NBPF9: variants seen among roughly 807,000 people sequenced by gnomAD.
NBPF9 encodes NBPF family member NBPF9.
NBPF9 carries 91 observed loss-of-function variants against 97.8 expected under a neutral mutation model. The ratio of observed to expected loss-of-function variants is 0.93; its 90% CI spans 0.79 to 1.11. The LOEUF is 1.11. Among genes scored for constraint, NBPF9 ranks in the 50% least tolerant of loss-of-function variants. The probability of loss-of-function intolerance (pLI) is 0.00; values close to 1 mark genes in which losing one functional copy is unlikely to be tolerated. For synonymous variants in NBPF9, 334 were observed against 359.5 expected (o/e 0.93, Z 0.80); for missense variants, 992 against 939.5 (o/e 1.06, Z -0.73).
At chr1:149,055,546 G>A (rs1553648546) in exon 30 of NBPF9, 3 of 1,569,056 alleles carry the variant, frequency 1.9e-6, no homozygotes, top group South Asian at 2.5e-5. Flanking sequence ...CATGCCCACT[G>A]ACCCATCCTA....
chr1:149,054,119 AC>A (rs1473575241), exon 30 of NBPF9: 6 of 149,834 alleles, frequency 4.0e-5, no homozygotes, highest in Non-Finnish European at 7.4e-5. Context: ...AATGTAAAAA[AC>A]AATCCAAAAG....
exon 12 of NBPF9, chr1:149,075,663 T>C: frequency 6.2e-7 from 1 of 1,609,444 alleles, no homozygotes; most frequent in Admixed American, 1.7e-5. Flanking sequence ...ACTGTATTTG[T>C]TCTGCTGGTT....
In NBPF9 at chr1:149,081,701, C is replaced by G. The variant is rs376599160; in HGVS notation, c.175+264G>C. 4.8e-4 allele frequency among the ~76,000 whole-genome samples: 68 copies of G among 140,748 alleles called. No homozygotes were observed. In the Middle Eastern group the frequency reaches 0.01, roughly 22 times the overall value. The allele number at this position is 140,748 out of a possible 152,430, so 92.3% of individuals were successfully genotyped here. A position where few individuals can be genotyped will look rare whatever the true frequency, so the allele number is the denominator to read the frequency against. ...ACATGATTGAGCCTCTTGGAGAAAA[C>G]AGGTCGTTCTGTGCCTGTGTTAGAA... On this transcript the variant is annotated intron_variant, in intron 7 of 29. Coordinates refer to ENST00000584027, the Ensembl canonical transcript of NBPF9.
chr1:149,060,916 C>A (rs1215914564), intron 23 of NBPF9: 2 of 406,918 alleles, frequency 4.9e-6, no homozygotes, highest in African/African-American at 3.2e-5. Context: ...CACACACACA[C>A]ACACACACAA....
chr1:149,063,385 C>T (rs1288803827), intron 20 of NBPF9, among the ~76,000 whole-genome samples: 1 of 136,064 alleles, frequency 7.3e-6, no homozygotes, highest in Non-Finnish European at 1.6e-5. Flanking sequence ...TGCCCAGGTC[C>T]AATGTCATGA....
Position 149,073,160 on chromosome 1 carries a change from C to A in NBPF9, c.1092-228G>T, listed in dbSNP as rs1269906081. Among the ~76,000 whole-genome samples, 4 of 148,858 alleles carry A rather than the reference C, an allele frequency of 2.7e-5. 1 individual carries two copies. Among genetic ancestry groups the A allele is most frequent in the African/African-American group, 4.9e-5 (2 of 40,670 alleles). Reference sequence around the variant, plus strand: ...AGATCCTCGATGATGTTCCATTCATCTTTCCCTTCTGTAAACAAAAGTAGG... The same window carrying A: ...AGATCCTCGATGATGTTCCATTCATATTTCCCTTCTGTAAACAAAAGTAGG... On this transcript the variant is annotated intron_variant, in intron 13 of 29. Transcript: ENST00000584027.
rs2078900602 is a variant in NBPF9, at chr1:149,064,555, A to T, written c.1802-73T>A. 4 of 989,152 alleles carry T rather than the reference A, an allele frequency of 4.0e-6. No homozygotes were observed. In the South Asian group the frequency reaches 5.2e-5, roughly 13 times the overall value. 61.3% of individuals were successfully genotyped at this position (989,152 alleles called of 1,614,324 possible). On this transcript the variant is annotated intron_variant, in intron 18 of 29. Coordinates refer to ENST00000584027, the Ensembl canonical transcript of NBPF9. ...TGCACACAGAAACATTCCTCTGTCC[A>T]ATCCTAACACAGGGACATCAGTCTT... is the stretch of plus-strand genomic sequence containing the variant.
rs1415821515 is a variant in NBPF9, at chr1:149,059,128, C to T, written c.2586-31G>A. 6.3e-5 allele frequency: 26 copies of T among 415,838 alleles called. 2 individuals are homozygous for T. Among genetic ancestry groups the T allele is most frequent in the Middle Eastern group, 7.3e-4 (1 of 1,364 alleles). The allele number at this position is 415,838 out of a possible 1,614,324, so 25.8% of individuals were successfully genotyped here. ...AAAGTAGGAAAAAGTAAAGAATAAG[C>T]CAGGGGGAATCAGAAACCACACAGC... On this transcript the variant is annotated intron_variant, in intron 25 of 29. Coordinates refer to ENST00000584027, the Ensembl canonical transcript of NBPF9.
intron 27 of NBPF9, among the ~76,000 whole-genome samples, chr1:149,057,876 G>C (rs2078328679): frequency 3.1e-5 from 2 of 64,450 alleles, no homozygotes; most frequent in Non-Finnish European, 6.1e-5. Context: ...ATCATGAAAA[G>C]ACTGTGCTCA....
intron 2 of NBPF9, among the ~76,000 whole-genome samples, chr1:149,101,749 C>A: frequency 6.6e-6 from 1 of 152,126 alleles, no homozygotes; most frequent in South Asian, 2.1e-4. Context: ...ACCAGAATAT[C>A]CCTGCTAAAT....
At position 149,060,955 on chromosome 1, in the gene NBPF9, G is replaced by A; in HGVS notation, c.2304-260C>T. On this transcript the variant is annotated intron_variant, in intron 23 of 29. Coordinates refer to ENST00000584027, the Ensembl canonical transcript of NBPF9. Reference sequence around the variant, plus strand: ...CACACACACAGAGAACGAGCTCAGTGAATTGTCCAGATGACACACTGATGA... The same window carrying A: ...CACACACACAGAGAACGAGCTCAGTAAATTGTCCAGATGACACACTGATGA... 9.6e-6 allele frequency: 4 copies of A among 416,126 alleles called. 1 individual carries two copies. Among genetic ancestry groups the A allele is most frequent in the South Asian group, 8.2e-5 (3 of 36,434 alleles). The allele number at this position is 416,126 out of a possible 1,614,324, so 25.8% of individuals were successfully genotyped here.
chr1:149,074,970 C>T (rs2079732325), intron 12 of NBPF9, among the ~76,000 whole-genome samples: 1 of 151,184 alleles, frequency 6.6e-6, no homozygotes, highest in Non-Finnish European at 1.5e-5. Context: ...TGCCACCACG[C>T]CCATCTACTT....
chr1:149,062,119 T>A, exon 22 of NBPF9: 1 of 1,169,254 alleles, frequency 8.6e-7, no homozygotes. Context: ...CAAGCCAAGG[T>A]ACTGTTCCTC....
At chr1:149,094,845 A>G (rs1167224652) in intron 4 of NBPF9, among the ~76,000 whole-genome samples, 1 of 144,270 alleles carries the variant, frequency 6.9e-6, no homozygotes, top group African/African-American at 2.7e-5. Context: ...GCTCACAGGG[A>G]AGAGAAGCTA....
Position 149,062,397 on chromosome 1 carries a change from T to C in NBPF9, c.2079-132A>G, listed in dbSNP as rs1314328090. On this transcript the variant is annotated intron_variant, in intron 21 of 29. Coordinates refer to ENST00000584027, the Ensembl canonical transcript of NBPF9. ...ACAGATCCATTAATGAGGTAATGAA[T>C]TATTGCCTTTAGGTTGGGATAGACC... 5.9e-6 allele frequency: 4 copies of C among 672,826 alleles called. 1 individual carries two copies. Among genetic ancestry groups the C allele is most frequent in the Non-Finnish European group, 8.2e-6 (3 of 365,662 alleles). The allele number at this position is 672,826 out of a possible 1,614,324, so 41.7% of individuals were successfully genotyped here. A position where few individuals can be genotyped will look rare whatever the true frequency, so the allele number is the denominator to read the frequency against.
At position 149,055,760 on chromosome 1, in the gene NBPF9, C is replaced by A. The variant is rs782195817; in HGVS notation, c.3232G>T (p.Glu1078Ter). Residue 1078 changes from glutamate (E) to a stop codon, truncating the protein, a stop_gained, in exon 30 of 30, where the codon GAA becomes TAA. Transcript: ENST00000584027. LOFTEE classifies it low-confidence loss of function (END_TRUNC). Reference sequence around the variant, plus strand: ...TAAAGGGCGAAGCTGATGTGCTGTTCCTCAAATGAGTAAAACACACTTCTG... The same window carrying A: ...TAAAGGGCGAAGCTGATGTGCTGTTACTCAAATGAGTAAAACACACTTCTG... 23 of 1,611,580 alleles carry A rather than the reference C, an allele frequency of 1.4e-5. No homozygotes were observed. The highest frequency in any genetic ancestry group is 1.9e-5 in the Non-Finnish European group (22 of 1,179,810).
chr1:149,082,066 C>A (rs1237766203), exon 7 of NBPF9: 1 of 1,609,524 alleles, frequency 6.2e-7, no homozygotes, highest in Non-Finnish European at 8.5e-7. Flanking sequence ...CAACTGGGGG[C>A]GCAATTTCTC....
intron 12 of NBPF9, among the ~76,000 whole-genome samples, chr1:149,074,344 C>T (rs2079670137): frequency 6.6e-6 from 1 of 151,318 alleles, no homozygotes; most frequent in South Asian, 2.1e-4. Context: ...ATTTTTAAAT[C>T]ATATCTTCAG....
chr1:149,072,777 T>C (rs782470982), exon 14 of NBPF9: 7 of 1,584,156 alleles, frequency 4.4e-6, no homozygotes, highest in Non-Finnish European at 6.1e-6. Context: ...CAGCTGTTCT[T>C]GGAGGTCCTG....
Sources: allele counts gnomAD v4.1 joint callset (sites outside exome capture counted in the v4.1 genomes callset), GRCh38; gene constraint gnomAD v4.1.1; transcripts MANE v1.5; gene names NCBI Gene and HGNC (gene_info 2026-07-23, HGNC 2026-07-21).